The following FAXC variants were observed in gnomAD, a reference collection of about 807,000 sequenced individuals.
The protein encoded by FAXC is failed axon connections homolog.
Under a neutral mutation model 41.9 loss-of-function variants are expected in FAXC, and 10 were observed. The ratio of observed to expected loss-of-function variants is 0.24; its 90% confidence interval spans 0.15 to 0.41. The LOEUF is 0.41. FAXC is among the 10% of genes least tolerant of loss of function. The pLI is 1.00. For synonymous variants in FAXC, 183 were observed against 183.8 expected (o/e 1.00, Z 0.03); for missense variants, 399 against 510.9 (o/e 0.78, Z 2.11).
intron 4 of FAXC, among the ~76,000 whole-genome samples, chr6:99,315,257 AAAAAAC>A (rs1236901227): frequency 1.5e-5 from 2 of 136,032 alleles, no homozygotes; most frequent in Admixed American, 7.4e-5. Context: ...AAAAAAAAAA[AAAAAAC>A]CAGTAAATGT....
intron 5 of FAXC, among the ~76,000 whole-genome samples, chr6:99,282,894 A>G (rs940441557): frequency 5.9e-5 from 9 of 152,244 alleles, no homozygotes; most frequent in Admixed American, 1.3e-4. Context: ...ACATATTTAC[A>G]TATACATTTA....
chr6:99,313,518 T>C (rs1562168124), intron 4 of FAXC, among the ~76,000 whole-genome samples: 2 of 152,176 alleles, frequency 1.3e-5, no homozygotes, highest in African/African-American at 2.4e-5. Flanking sequence ...ATATGGCAAT[T>C]TTTTTATATA....
intron 4 of FAXC, among the ~76,000 whole-genome samples, chr6:99,295,635 A>G (rs1771457908): frequency 6.6e-6 from 1 of 152,212 alleles, no homozygotes; most frequent in Admixed American, 6.5e-5. Flanking sequence ...TAATTGTGTG[A>G]GCCAACTCCA....
At chr6:99,328,550 C>T (rs544786805) in intron 3 of FAXC, among the ~76,000 whole-genome samples, 4 of 152,208 alleles carry the variant, frequency 2.6e-5, no homozygotes, top group African/African-American at 4.8e-5. Context: ...ACAGCCCAAA[C>T]GGCCTAATAT....
intron 4 of FAXC, among the ~76,000 whole-genome samples, chr6:99,313,020 C>G (rs1399746818): frequency 6.6e-6 from 1 of 152,210 alleles, no homozygotes; most frequent in Admixed American, 6.5e-5. Flanking sequence ...AGGCCAGGTG[C>G]AGTGGCTTAC....
At chr6:99,303,597 T>G (rs902324797) in intron 4 of FAXC, among the ~76,000 whole-genome samples, 1 of 152,354 alleles carries the variant, frequency 6.6e-6, no homozygotes, top group South Asian at 2.1e-4. Flanking sequence ...TAGGCCCTTA[T>G]GTTCTCTTAA....
intron 4 of FAXC, among the ~76,000 whole-genome samples, chr6:99,322,006 G>A (rs953310776): frequency 1.3e-5 from 2 of 152,232 alleles, no homozygotes; most frequent in African/African-American, 4.8e-5. Flanking sequence ...AAATGGCCCA[G>A]TTGTGAGCCT....
At chr6:99,336,005 A>G (rs532520811) in intron 2 of FAXC, among the ~76,000 whole-genome samples, 2 of 152,328 alleles carry the variant, frequency 1.3e-5, no homozygotes, top group East Asian at 3.9e-4. Context: ...AATTGGGAAG[A>G]CTATAGGTGA....
chr6:99,338,328 G>A (rs1056872765), intron 2 of FAXC, among the ~76,000 whole-genome samples: 1 of 152,158 alleles, frequency 6.6e-6, no homozygotes, highest in African/African-American at 2.4e-5. Context: ...TTCACAGCAA[G>A]GCATGAGTCC....
intron 4 of FAXC, among the ~76,000 whole-genome samples, chr6:99,297,687 G>A (rs1452252143): frequency 1.3e-5 from 2 of 152,110 alleles, no homozygotes; most frequent in Non-Finnish European, 2.9e-5. Flanking sequence ...GACCTGGGCA[G>A]GACAAACCGA....
rs1406487937 is a variant in FAXC at position 99,279,998 on chromosome 6, T to C, written c.*1166A>G. The C allele has an allele frequency of 6.6e-6, 1 of 152,238 alleles. No individual in the cohort carries two copies. The highest frequency in any genetic ancestry group is 1.5e-5 in the Non-Finnish European group (1 of 68,040). The allele number at this position is 152,238 out of a possible 1,614,324, so 9.4% of individuals were successfully genotyped here. On this transcript the variant is annotated 3_prime_UTR_variant, in exon 6 of 6. Coordinates refer to ENST00000389677, the MANE Select transcript of FAXC (RefSeq NM_032511.4). ...ACATTACAAGTTGGCAGGCTTCTGCTTATAAAAATCAATGAAATACTTTCC... is the reference window on the plus strand; with the variant it reads ...ACATTACAAGTTGGCAGGCTTCTGCCTATAAAAATCAATGAAATACTTTCC...
At chr6:99,346,823 C>T (rs937281906) in intron 1 of FAXC, among the ~76,000 whole-genome samples, 2 of 152,200 alleles carry the variant, frequency 1.3e-5, no homozygotes, top group Non-Finnish European at 2.9e-5. Context: ...CTGCAATTTC[C>T]TTATCTATGA....
At chr6:99,335,178 C>G (rs951835905) in intron 2 of FAXC, among the ~76,000 whole-genome samples, 25 of 152,132 alleles carry the variant, frequency 1.6e-4, no homozygotes, top group African/African-American at 6.0e-4. Flanking sequence ...TCTAGACCAC[C>G]CTTTCCCCTG....
rs1554201375 is a variant in FAXC at position 99,318,306 on chromosome 6, C to CAAAAAAAAAA, written c.823+5137_823+5138insTTTTTTTTTT. ...ACACACACACACACACACACACACA[C>CAAAAAAAAAA]AAAATAGAAGAAATGGAAAATATAT... On this transcript the variant is annotated intron_variant, in intron 4 of 5. Transcript: ENST00000389677. Among the ~76,000 whole-genome samples, 115 of 135,312 alleles carry CAAAAAAAAAA rather than the reference C, an allele frequency of 8.5e-4. 2 individuals carry two copies. The highest frequency in any genetic ancestry group is 2.6e-3 in the East Asian group (11 of 4,304). The allele number at this position is 135,312 out of a possible 152,430, so 88.8% of individuals were successfully genotyped here. A position where few individuals can be genotyped will look rare whatever the true frequency, so the allele number is the denominator to read the frequency against.
intron 2 of FAXC, among the ~76,000 whole-genome samples, chr6:99,338,168 A>G (rs1773284993): frequency 6.6e-6 from 1 of 152,200 alleles, no homozygotes; most frequent in Non-Finnish European, 1.5e-5. Context: ...CCCCTGGAGC[A>G]TTGCCCACTC....
In FAXC at chr6:99,280,921, A is replaced by C; in HGVS notation, c.*243T>G. 1 of 435,780 alleles carries C rather than the reference A, an allele frequency of 2.3e-6. No individual in the cohort carries two copies. The highest frequency in any genetic ancestry group is 4.1e-5 in the East Asian group (1 of 24,606). The allele number at this position is 435,780 out of a possible 1,614,324, so 27.0% of individuals were successfully genotyped here. ...TTATTAATAGTTTTCTAATGAAAACAAAAATGGATTTCAGGAACCATGCTG... is the reference window on the plus strand; with the variant it reads ...TTATTAATAGTTTTCTAATGAAAACCAAAATGGATTTCAGGAACCATGCTG... On this transcript the variant is annotated 3_prime_UTR_variant, in exon 6 of 6. Coordinates refer to ENST00000389677, the MANE Select transcript of FAXC (RefSeq NM_032511.4).
intron 3 of FAXC, among the ~76,000 whole-genome samples, chr6:99,326,863 C>T (rs1041212478): frequency 1.3e-5 from 2 of 152,098 alleles, no homozygotes; most frequent in African/African-American, 4.8e-5. Flanking sequence ...AATGGGGGCA[C>T]GCACACAAGG....
rs1770579621 is a variant in FAXC at position 99,275,713 on chromosome 6, T to A, written c.*5451A>T. 3 of 152,164 alleles carry A rather than the reference T, an allele frequency of 2.0e-5. No homozygotes were observed. The allele number at this position is 152,164 out of a possible 1,614,324, so 9.4% of individuals were successfully genotyped here. On this transcript the variant is annotated 3_prime_UTR_variant, in exon 6 of 6. Coordinates refer to ENST00000389677, the MANE Select transcript of FAXC (RefSeq NM_032511.4). The stretch of plus-strand genomic sequence containing the variant: ...AACGTTGCTGGTTCCAGCAGTCTCA[T>A]CTCAAAGATTAAGGAAACTTAAATA...
At chr6:99,312,274 G>A (rs531111958) in intron 4 of FAXC, among the ~76,000 whole-genome samples, 27 of 152,276 alleles carry the variant, frequency 1.8e-4, no homozygotes, top group Admixed American at 1.7e-3. Context: ...CAGCTGCCTG[G>A]GAGCACGGAA....
Sources: allele counts gnomAD v4.1 joint callset (sites outside exome capture counted in the v4.1 genomes callset), GRCh38; gene constraint gnomAD v4.1.1; transcripts MANE v1.5; gene names NCBI Gene and HGNC (gene_info 2026-07-23, HGNC 2026-07-21).